PTPRD: variants seen among roughly 807,000 people sequenced by gnomAD.
PTPRD encodes protein tyrosine phosphatase receptor type D, also known as receptor-type tyrosine-protein phosphatase delta.
A neutral mutation model predicts 214.5 loss-of-function variants in PTPRD; 34 were observed. The ratio of observed to expected loss-of-function variants is 0.16; its 90% CI spans 0.12 to 0.21. The LOEUF (loss-of-function observed/expected upper bound fraction) is 0.21, where lower values mean the gene tolerates loss of function less well. PTPRD is among the 10% of genes least tolerant of loss of function. The pLI is 1.00. For missense variants in PTPRD, 2,545 were observed against 2,398.7 expected (o/e 1.06, Z -1.27); for synonymous variants, 1,128 against 845.7 (o/e 1.33, Z -5.79).
chr9:9,700,125 T>C (rs1035805259), intron 7 of PTPRD, among the ~76,000 whole-genome samples: 3 of 152,170 alleles, frequency 2.0e-5, no homozygotes, highest in Non-Finnish European at 4.4e-5. Context: ...CTGAACTATA[T>C]ATTTTTCTTT....
At chr9:8,694,492 A>T (rs149562490) in intron 12 of PTPRD, among the ~76,000 whole-genome samples, 56 of 152,324 alleles carry the variant, frequency 3.7e-4, no homozygotes, top group Non-Finnish European at 7.2e-4. Context: ...GGTATTTTCC[A>T]TAGAAAAGTT....
chr9:10,362,373 G>A (rs13286001), intron 2 of PTPRD, among the ~76,000 whole-genome samples: 10,708 of 147,922 alleles, frequency 0.072, 517 homozygotes, highest in African/African-American at 0.15. Flanking sequence ...GAGAATTGAG[G>A]AAAAGAGCTT....
intron 3 of PTPRD, among the ~76,000 whole-genome samples, chr9:10,189,813 CAAA>C (rs1421720663): frequency 6.6e-6 from 1 of 151,942 alleles, no homozygotes; most frequent in African/African-American, 2.4e-5. Flanking sequence ...AACCAAGACT[CAAA>C]GAAGGAGTAG....
At chr9:9,726,184 C>G (rs1167847736) in intron 7 of PTPRD, among the ~76,000 whole-genome samples, 2 of 152,170 alleles carry the variant, frequency 1.3e-5, no homozygotes. Flanking sequence ...GGATCTGTCT[C>G]AGAACCTCCT....
chr9:8,361,825 G>C (rs1273470348), intron 39 of PTPRD, among the ~76,000 whole-genome samples: 2 of 152,148 alleles, frequency 1.3e-5, no homozygotes, highest in African/African-American at 4.8e-5. Context: ...AGCCTCCTTT[G>C]TTCCCGCTTA....
chr9:9,887,684 C>G (rs1404469149), intron 5 of PTPRD, among the ~76,000 whole-genome samples: 2 of 152,072 alleles, frequency 1.3e-5, no homozygotes, highest in Non-Finnish European at 2.9e-5. Context: ...AGTGAAAGAC[C>G]TAACTTGCAC....
intron 34 of PTPRD, among the ~76,000 whole-genome samples, chr9:8,438,271 T>C (rs2095426357): frequency 6.6e-6 from 1 of 152,234 alleles, no homozygotes. Flanking sequence ...AGTAAAAAGC[T>C]ACCCTGCTTT....
chr9:8,373,864 GTCTATC>G (rs2082347947), intron 39 of PTPRD, among the ~76,000 whole-genome samples: 32 of 107,936 alleles, frequency 3.0e-4, no homozygotes, highest in African/African-American at 1.5e-3. Context: ...GTGTCTGTCT[GTCTATC>G]TATCTATCTA....
chr9:9,970,433 A>C (rs2095022002), intron 4 of PTPRD, among the ~76,000 whole-genome samples: 1 of 137,470 alleles, frequency 7.3e-6, no homozygotes, highest in Non-Finnish European at 1.6e-5. Context: ...CCTTCTCAAA[A>C]AAAAAAAAAA....
chr9:10,410,917 C>T (rs182244048), intron 2 of PTPRD, among the ~76,000 whole-genome samples: 2 of 151,820 alleles, frequency 1.3e-5, no homozygotes, highest in Admixed American at 6.6e-5. Context: ...ATGAATTACC[C>T]TCCATGTTAG....
intron 5 of PTPRD, among the ~76,000 whole-genome samples, chr9:9,909,332 T>C (rs1463536175): frequency 6.6e-6 from 1 of 151,690 alleles, no homozygotes; most frequent in Non-Finnish European, 1.5e-5. Flanking sequence ...TTTTTTTTTT[T>C]TACGGCTTTT....
At chr9:10,588,390 C>T (rs2074480793) in intron 2 of PTPRD, among the ~76,000 whole-genome samples, 1 of 149,636 alleles carries the variant, frequency 6.7e-6, no homozygotes, top group Admixed American at 6.7e-5. Context: ...TTCAAACAGT[C>T]AATGTGGGAC....
At chr9:9,101,529 A>C (rs75772753) in intron 10 of PTPRD, among the ~76,000 whole-genome samples, 2,691 of 152,310 alleles carry the variant, frequency 0.018, 46 homozygotes, top group East Asian at 0.064. Context: ...TGATAAAACC[A>C]AAGTGCTTGC....
intron 11 of PTPRD, among the ~76,000 whole-genome samples, chr9:8,798,145 C>G (rs911071087): frequency 6.6e-6 from 1 of 152,072 alleles, no homozygotes; most frequent in Non-Finnish European, 1.5e-5. Context: ...TTTTATATGA[C>G]TAAGTATACA....
intron 6 of PTPRD, among the ~76,000 whole-genome samples, chr9:9,753,771 G>A (rs1013965780): frequency 2.0e-5 from 3 of 151,920 alleles, no homozygotes; most frequent in African/African-American, 7.2e-5. Context: ...TTTAAATTCA[G>A]AGGTCACCAT....
intron 9 of PTPRD, among the ~76,000 whole-genome samples, chr9:9,395,219 T>C (rs1332457165): frequency 6.6e-6 from 1 of 150,476 alleles, no homozygotes; most frequent in Non-Finnish European, 1.5e-5. Context: ...GTCTAATAGG[T>C]CCTTGCTACT....
chr9:8,852,632 G>C (rs1242352985), intron 11 of PTPRD, among the ~76,000 whole-genome samples: 2 of 152,188 alleles, frequency 1.3e-5, no homozygotes, highest in Non-Finnish European at 2.9e-5. Context: ...TGACCTACTA[G>C]CTTACAGACA....
intron 6 of PTPRD, among the ~76,000 whole-genome samples, chr9:9,737,478 A>G (rs536232991): frequency 2.1e-4 from 32 of 152,300 alleles, no homozygotes; most frequent in African/African-American, 7.5e-4. Flanking sequence ...AAAACCCTAT[A>G]TAGTACCTAT....
Position 10,149,668 on chromosome 9 carries a change from G to A in PTPRD, c.-544-115878C>T, listed in dbSNP as rs368231236. 7.2e-5 allele frequency among the ~76,000 whole-genome samples: 11 copies of A among 151,822 alleles called. 1 individual carries two copies. The highest frequency in any genetic ancestry group is 2.4e-4 in the African/African-American group (10 of 41,456). ...TAGATTATAATTCCAGCTCATTATT[G>A]ATTATCTATAAAACTGTGGACAATT... On this transcript the variant is annotated intron_variant, in intron 3 of 45. Coordinates refer to ENST00000381196, the MANE Select transcript of PTPRD (RefSeq NM_002839.4).
Sources: gnomAD v4.1 joint callset for allele counts (sites outside exome capture counted in the v4.1 genomes callset) on GRCh38, gnomAD v4.1.1 for gene constraint, MANE v1.5 for transcripts, NCBI Gene and HGNC (gene_info 2026-07-23, HGNC 2026-07-21) for gene names.